The following CACNA1S variants were observed in gnomAD, a reference collection of about 807,000 sequenced individuals.
The protein encoded by CACNA1S is calcium voltage-gated channel subunit alpha1 S.
CACNA1S carries 126 observed loss-of-function variants against 207.4 expected under a neutral mutation model. That is an observed-to-expected ratio of 0.61 (90% CI 0.53 to 0.70). The LOEUF is 0.70. Among genes scored for constraint, CACNA1S ranks in the 30% least tolerant of loss-of-function variants. The pLI is 0.00. For missense variants in CACNA1S, 2,349 were observed against 2,422.8 expected (o/e 0.97, Z 0.64); for synonymous variants, 960 against 932.7 (o/e 1.03, Z -0.53).
At chr1:201,062,195 C>A in intron 23 of CACNA1S, 105 bp from the exon 24 acceptor site, 1 of 1,428,720 alleles carries the variant, frequency 7.0e-7, no homozygotes, top group Non-Finnish European at 9.7e-7. Flanking sequence ...AAATGAAGTT[C>A]CAGATCTGGG....
chr1:201,080,461 G>A (rs960364118), intron 10 of CACNA1S, among the ~76,000 whole-genome samples: 2 of 151,980 alleles, frequency 1.3e-5, no homozygotes, highest in South Asian at 4.2e-4. Flanking sequence ...GCACATTCAC[G>A]GTGCTCTCGA....
In CACNA1S at chr1:201,093,984, A is replaced by G; in HGVS notation, c.296T>C (p.Ile99Thr). The change falls in exon 3 of 44, where the codon ATT (isoleucine) becomes ACT (threonine). Residue 99 changes from isoleucine (I) to threonine (T), a missense_variant. Physicochemically the swap from Ile to Thr is moderately conservative, Grantham distance 89. Transcript: ENST00000362061. Reference protein sequence around the residue: ...LEYFFLIVFSIEAAMKIIAYG... With the variant: ...LEYFFLIVFSTEAAMKIIAYG... ...GGCAATGATCTTCATGGCGGCTTCA[A>G]TCGAGAAGACAATGAGGAAGAAATA... 1.2e-6 allele frequency: 2 copies of G among 1,614,236 alleles called. No homozygotes were observed. Among genetic ancestry groups the G allele is most frequent in the South Asian group, 1.1e-5 (1 of 91,074 alleles).
chr1:201,062,214 G>T (rs1203076231), intron 23 of CACNA1S, 124 bp from the exon 24 acceptor site: 3 of 1,262,440 alleles, frequency 2.4e-6, no homozygotes. Context: ...GGACCCAAGG[G>T]GACACCGCTG....
chr1:201,062,810 C>T (rs1163950269), intron 22 of CACNA1S, among the ~76,000 whole-genome samples: 1 of 152,236 alleles, frequency 6.6e-6, no homozygotes, highest in Non-Finnish European at 1.5e-5. Context: ...TACTGAGTGC[C>T]CCCTGATGGG....
At chr1:201,080,643 A>G (rs1016811773) in intron 10 of CACNA1S, among the ~76,000 whole-genome samples, 2 of 151,866 alleles carry the variant, frequency 1.3e-5, no homozygotes, top group South Asian at 4.2e-4. Flanking sequence ...GTACTGTTCT[A>G]TCATCTCAGG....
chr1:201,069,303 G>A, intron 18 of CACNA1S, 107 bp from the exon 19 acceptor site: 1 of 1,422,596 alleles, frequency 7.0e-7, no homozygotes. Flanking sequence ...CTGTGCCCCA[G>A]CCTGTGCCGT....
At chr1:201,044,703 G>T (rs1044476457) in intron 38 of CACNA1S, among the ~76,000 whole-genome samples, 20 of 152,260 alleles carry the variant, frequency 1.3e-4, no homozygotes, top group Middle Eastern at 3.4e-3. Flanking sequence ...TAGAGATGGG[G>T]TTTCACCATG....
chr1:201,070,288 A>G lies in CACNA1S; in HGVS notation c.2344T>C (p.Phe782Leu). The change falls in exon 17 of 44, where the codon TTC (phenylalanine) becomes CTC (leucine). Residue 782 changes from phenylalanine to leucine, a missense_variant. Physicochemically the swap from Phe to Leu is conservative, Grantham distance 22. Transcript: ENST00000362061. ...GGCACCCACTTATTGGTGGGGCTGAAGATGAAGAAGGAGCTGGCTTCTGGA... is the reference window on the plus strand; with the variant it reads ...GGCACCCACTTATTGGTGGGGCTGAGGATGAAGAAGGAGCTGGCTTCTGGA... ...PIPEASSFFIFSPTNKIRVLC... is the reference protein window; with the variant it reads ...PIPEASSFFILSPTNKIRVLC... 6.2e-7 allele frequency: 1 copy of G among 1,614,062 alleles called. No homozygotes were observed.
chr1:201,076,987 A>G lies in CACNA1S; in HGVS notation c.1760T>C (p.Phe587Ser). ...GCTGCGCCGTACTTCTGTGTCTTCA[A>G]AGTCATACCTCCCCCCAAAGAGCTG... The part of the protein sequence containing the change: ...GMQLFGGRYD[F>S]EDTEVRRSNF... Residue 587 changes from phenylalanine to serine, a missense_variant, in exon 12 of 44, where the codon TTT becomes TCT. Transcript: ENST00000362061. 6.2e-7 allele frequency: 1 copy of G among 1,614,256 alleles called. No individual in the cohort carries two copies. Among genetic ancestry groups the G allele is most frequent in the South Asian group, 1.1e-5 (1 of 91,084 alleles).
intron 38 of CACNA1S, among the ~76,000 whole-genome samples, chr1:201,044,977 T>C (rs866085414): frequency 8.5e-5 from 13 of 152,340 alleles, no homozygotes; most frequent in East Asian, 3.9e-4. Context: ...ATTGTTCCAA[T>C]TGAGTCATCT....
At chr1:201,095,635 C>A (rs984392264) in intron 2 of CACNA1S, among the ~76,000 whole-genome samples, 2 of 151,892 alleles carry the variant, frequency 1.3e-5, no homozygotes, top group Admixed American at 6.6e-5. Context: ...TTAATTTTGC[C>A]CTTCATTCCT....
intron 8 of CACNA1S, 85 bp downstream of exon 8, chr1:201,085,351 C>G: frequency 1.9e-6 from 3 of 1,567,880 alleles, no homozygotes; most frequent in Non-Finnish European, 2.6e-6. Flanking sequence ...GTTGGACTTG[C>G]TCAGTGGGCC....
chr1:201,066,408 A>T lies in CACNA1S; in HGVS notation c.2658-92T>A. The stretch of plus-strand genomic sequence containing the variant: ...CCTCCAGCCATATCCTGCCCTCCAC[A>T]CCAGCTGCCTTTCTGCCTGAAAACA... On this transcript the variant is annotated intron_variant, in intron 20 of 43. Coordinates refer to ENST00000362061, the MANE Select transcript of CACNA1S (RefSeq NM_000069.3). This position sits in a 1 kb window ranked among gnomAD's most constrained non-coding sequence, Gnocchi z 4.3. 1 of 1,077,854 alleles carries T rather than the reference A, an allele frequency of 9.3e-7. No homozygotes were observed. The highest frequency in any genetic ancestry group is 1.2e-5 in the South Asian group (1 of 80,436). 66.8% of individuals were successfully genotyped at this position (1,077,854 alleles called of 1,614,324 possible).
Position 201,040,317 on chromosome 1 carries a change from G to C in CACNA1S, c.5284C>G (p.Leu1762Val). 6.2e-7 allele frequency: 1 copy of C among 1,613,866 alleles called. No individual in the cohort carries two copies. The highest frequency in any genetic ancestry group is 1.1e-5 in the South Asian group (1 of 91,030). The stretch of plus-strand genomic sequence containing the variant: ...CTGCTGTGGGGTGTCTCCTCATGAA[G>C]AGACCCTGGTGTGGAGCTCTTTCTG... The part of the protein sequence containing the change: ...EDRKSSTPGS[L>V]HEETPHSRST... The change falls in exon 43 of 44, where the codon CTT (leucine) becomes GTT (valine). Residue 1762 changes from leucine to valine, a missense_variant. Transcript: ENST00000362061.
intron 7 of CACNA1S, 71 bp from the exon 8 acceptor site, chr1:201,085,652 G>T: frequency 6.3e-7 from 1 of 1,575,142 alleles, no homozygotes. Flanking sequence ...TGAGCTTCCT[G>T]AGGACAGACA....
At chr1:201,108,477 G>A (rs1662981750) in intron 2 of CACNA1S, among the ~76,000 whole-genome samples, 1 of 152,124 alleles carries the variant, frequency 6.6e-6, no homozygotes, top group Non-Finnish European at 1.5e-5. Flanking sequence ...GGGAACTGAG[G>A]CCCAAAAATA....
Position 201,039,673 on chromosome 1 carries a change from T to G in CACNA1S, c.*158A>C, listed in dbSNP as rs1572009673. The G allele has an allele frequency of 4.3e-6, 4 of 920,404 alleles. No individual in the cohort carries two copies. The East Asian group carries it at 7.7e-5, about 18-fold the overall frequency. The allele number at this position is 920,404 out of a possible 1,614,324, so 57.0% of individuals were successfully genotyped here. On this transcript the variant is annotated 3_prime_UTR_variant, in exon 44 of 44. Coordinates refer to ENST00000362061, the MANE Select transcript of CACNA1S (RefSeq NM_000069.3). ...GCCTGTCCAGCTACTTCCTCCGCAC[T>G]TTTTGAGGTGGTTCCTGACCACCCT...
In CACNA1S at chr1:201,085,436, C is replaced by G; in HGVS notation, c.1150G>C (p.Gly384Arg). Reference sequence around the variant, plus strand: ...CTGACCACAGCCTTTGGGCCCAAACCTTCTCTGAAGTCCTCAACATCCATG... The same window carrying G: ...CTGACCACAGCCTTTGGGCCCAAACGTTCTCTGAAGTCCTCAACATCCATG... ...EVMDVEDFREGKLSLDEGGSD... is the reference protein window; with the variant it reads ...EVMDVEDFRERKLSLDEGGSD... The change falls in exon 8 of 44, where the codon GGA becomes CGA. Residue 384 changes from glycine to arginine, a missense_variant and splice_region_variant. Physicochemically the swap from Gly to Arg is moderately radical, Grantham distance 125. Transcript: ENST00000362061. 6.2e-7 allele frequency: 1 copy of G among 1,613,790 alleles called. No homozygotes were observed. The highest frequency in any genetic ancestry group is 8.5e-7 in the Non-Finnish European group (1 of 1,180,000).
intron 19 of CACNA1S, among the ~76,000 whole-genome samples, chr1:201,068,568 T>C (rs1199704047): frequency 6.7e-6 from 1 of 148,848 alleles, no homozygotes; most frequent in African/African-American, 2.5e-5. Context: ...AAGCTAACTG[T>C]ATGGAAGAAA....
Sources: gnomAD v4.1 joint callset for allele counts (sites outside exome capture counted in the v4.1 genomes callset) on GRCh38, gnomAD v4.1.1 for gene constraint, Gnocchi (gnomAD v3.1) non-coding constraint, MANE v1.5 for transcripts, NCBI Gene and HGNC (gene_info 2026-07-23, HGNC 2026-07-21) for gene names.